Variants in H2BC4 observed in about 807,000 individuals in gnomAD.
H2BC4 encodes the protein H2B clustered histone 4.
Under a neutral mutation model 6.2 loss-of-function variants are expected in H2BC4, and 10 were observed. That is an observed-to-expected ratio of 1.61 (90% CI 0.99 to 2.73). The LOEUF (loss-of-function observed/expected upper bound fraction) is 2.73, where lower values mean the gene tolerates loss of function less well. Ranked by LOEUF, H2BC4 falls within the 30% of genes most tolerant of loss-of-function variation. The pLI is 0.00. For missense variants in H2BC4, 176 were observed against 168.7 expected, an observed-to-expected ratio of 1.04 and a Z score of -0.24; for synonymous variants, 146 against 70.7, an observed-to-expected ratio of 2.07 and a Z score of -5.35.
chr6:26,113,766 T>G (rs198835), downstream of H2BC4, among the ~76,000 whole-genome samples: 72,290 of 151,914 alleles, frequency 0.48, 17,845 homozygotes, highest in Non-Finnish European at 0.54. Flanking sequence ...CTGGATTCTG[T>G]TGAGGGCTCT....
rs1581413177 is a variant in H2BC4 at position 26,123,608 on chromosome 6, C to T, written c.297G>A (p.Val99=). ...CCAGCTCTCCGGGAAGCAGCAGGCG[C>T]ACGGCCGTCTGGATCTCCCTGGAGG... ...TITSREIQTA[V]RLLLPGELAK... The change falls in exon 1 of 1, where the codon GTG becomes GTA. Residue 99 remains valine (V), a synonymous_variant. Transcript: ENST00000396984. 10 of 1,614,282 alleles carry T rather than the reference C, an allele frequency of 6.2e-6. No individual in the cohort carries two copies. Among genetic ancestry groups the T allele is most frequent in the Non-Finnish European group, 8.5e-6 (10 of 1,180,050 alleles).
downstream of H2BC4, among the ~76,000 whole-genome samples, chr6:26,114,586 T>G (rs1056313): frequency 6.6e-6 from 1 of 152,084 alleles, no homozygotes; most frequent in East Asian, 1.9e-4. Context: ...TTCCACTTCA[T>G]GAAGTCTATC....
chr6:26,120,219 T>C (rs2113796347), downstream of H2BC4, among the ~76,000 whole-genome samples: 1 of 152,282 alleles, frequency 6.6e-6, no homozygotes, highest in East Asian at 1.9e-4. Context: ...TCTCATCACT[T>C]TGGGAGGCCG....
chr6:26,123,351 T>A (rs1189496528), downstream of H2BC4: 27 of 1,165,494 alleles, frequency 2.3e-5, no homozygotes, highest in Non-Finnish European at 3.2e-5. Flanking sequence ...TCAGGACCCT[T>A]TGTCCCTCTC....
rs758883693 is a variant in H2BC4 at position 26,123,614 on chromosome 6, C to A, written c.291G>T (p.Thr97=). 88 of 1,614,142 alleles carry A rather than the reference C, an allele frequency of 5.5e-5. No homozygotes were observed. Among genetic ancestry groups the A allele is most frequent in the Non-Finnish European group, 7.5e-5 (88 of 1,180,050 alleles). ...RSTITSREIQ[T]AVRLLLPGEL... ...CTCCGGGAAGCAGCAGGCGCACGGC[C>A]GTCTGGATCTCCCTGGAGGTGATGG... Residue 97 remains threonine (T), a synonymous_variant, in exon 1 of 1, where the codon ACG becomes ACT. Coordinates refer to ENST00000396984, the MANE Select transcript of H2BC4 (RefSeq NM_003526.3).
downstream of H2BC4, among the ~76,000 whole-genome samples, chr6:26,119,249 G>A (rs1207706265): frequency 6.6e-6 from 1 of 152,092 alleles, no homozygotes; most frequent in African/African-American, 2.4e-5. Flanking sequence ...CAAATCTAAA[G>A]TGGCGAAAGC....
At chr6:26,114,451 T>C (rs914808518), downstream of H2BC4, among the ~76,000 whole-genome samples, 10 of 152,172 alleles carry the variant, frequency 6.6e-5, no homozygotes, top group Non-Finnish European at 1.3e-4. Flanking sequence ...ATTGTAAATA[T>C]GAGTGCTATA....
At chr6:26,117,535 C>T (rs1051513336) in intron 1 of H2BC4, among the ~76,000 whole-genome samples, 1 of 152,018 alleles carries the variant, frequency 6.6e-6, no homozygotes, top group Non-Finnish European at 1.5e-5. Context: ...GCTGTGCAGC[C>T]ATTTTACTAG....
At chr6:26,123,399 T>C, downstream of H2BC4, 2 of 1,480,836 alleles carry the variant, frequency 1.4e-6, no homozygotes, top group South Asian at 2.7e-5. Flanking sequence ...CTCCAGTTCC[T>C]ATATTCTAAT....
At chr6:26,113,704 A>C (rs1360853854), downstream of H2BC4, among the ~76,000 whole-genome samples, 1 of 152,112 alleles carries the variant, frequency 6.6e-6, no homozygotes, top group Non-Finnish European at 1.5e-5. Context: ...TAAACAACAA[A>C]ATTTTATCAC....
At chr6:26,116,019 G>A (rs933749863) in intron 1 of H2BC4, among the ~76,000 whole-genome samples, 1 of 152,084 alleles carries the variant, frequency 6.6e-6, no homozygotes, top group Non-Finnish European at 1.5e-5. Context: ...GGGAGAATGG[G>A]GGGAGAGGAG....
At chr6:26,118,887 AGAG>A (rs1763461441), downstream of H2BC4, among the ~76,000 whole-genome samples, 1 of 152,230 alleles carries the variant, frequency 6.6e-6, no homozygotes, top group Non-Finnish European at 1.5e-5. Flanking sequence ...TAATGTTGTC[AGAG>A]AAGATTGGTT....
chr6:26,123,306 C>T, downstream of H2BC4: 2 of 840,230 alleles, frequency 2.4e-6, no homozygotes, highest in East Asian at 5.7e-5. Flanking sequence ...CGAATTGACC[C>T]CAAAGCCATT....
downstream of H2BC4, among the ~76,000 whole-genome samples, chr6:26,113,798 A>G (rs7769006): frequency 9.6e-4 from 146 of 151,354 alleles, no homozygotes; most frequent in South Asian, 1.9e-3. Flanking sequence ...GTAGAGTGCT[A>G]CCTTCTCACT....
At chr6:26,114,106 A>T (rs958371230), downstream of H2BC4, among the ~76,000 whole-genome samples, 22 of 152,184 alleles carry the variant, frequency 1.4e-4, no homozygotes, top group Non-Finnish European at 2.9e-5. Context: ...CTCAAAGAGT[A>T]GTTATAATGT....
At chr6:26,115,980 A>G (rs1763412999) in intron 1 of H2BC4, among the ~76,000 whole-genome samples, 1 of 152,184 alleles carries the variant, frequency 6.6e-6, no homozygotes, top group Non-Finnish European at 1.5e-5. Context: ...AAAAGTGAAA[A>G]GAAAACTAAG....
chr6:26,123,148 G>T (rs1408751310), downstream of H2BC4, among the ~76,000 whole-genome samples: 1 of 152,178 alleles, frequency 6.6e-6, no homozygotes, highest in Non-Finnish European at 1.5e-5. Context: ...AGCTGGTGGC[G>T]AAATTATGAC....
At position 26,123,767 on chromosome 6, in the gene H2BC4, C is replaced by T. The variant is rs757815054; in HGVS notation, c.138G>A (p.Leu46=). The T allele has an allele frequency of 1.4e-5, 22 of 1,614,172 alleles. No homozygotes were observed. The highest frequency in any genetic ancestry group is 1.8e-5 in the Non-Finnish European group (21 of 1,180,064). The change falls in exon 1 of 1, where the codon CTG becomes CTA. Residue 46 remains leucine (L), a synonymous_variant. Coordinates refer to ENST00000396984, the MANE Select transcript of H2BC4 (RefSeq NM_003526.3). ...TGCCAGTGTCGGGATGGACCTGTTT[C>T]AGCACCTTGTACACGTACACAGAGT... The part of the protein sequence containing the change: ...ESYSVYVYKV[L]KQVHPDTGIS...
rs1763559057 is a variant in H2BC4, at chr6:26,123,819, T to C, written c.86A>G (p.Lys29Arg). The C allele has an allele frequency of 1.2e-6, 2 of 1,614,158 alleles. No individual in the cohort carries two copies. Among genetic ancestry groups the C allele is most frequent in the African/African-American group, 2.7e-5 (2 of 74,958 alleles). Residue 29 changes from lysine (K) to arginine (R), a missense_variant, in exon 1 of 1, where the codon AAG (lysine) becomes AGG (arginine). By Grantham distance (26) the Lys-to-Arg change is conservative. Coordinates refer to ENST00000396984, the MANE Select transcript of H2BC4 (RefSeq NM_003526.3). ...VTKAQKKDGKKRKRSRKESYS... is the reference protein window; with the variant it reads ...VTKAQKKDGKRRKRSRKESYS... ...ACTCTCCTTGCGGCTGCGCTTGCGCTTCTTGCCATCTTTCTTCTGCGCTTT... is the reference window on the plus strand; with the variant it reads ...ACTCTCCTTGCGGCTGCGCTTGCGCCTCTTGCCATCTTTCTTCTGCGCTTT...
Sources: gnomAD v4.1 joint callset for allele counts (sites outside exome capture counted in the v4.1 genomes callset) on GRCh38, gnomAD v4.1.1 for gene constraint, MANE v1.5 for transcripts, NCBI Gene and HGNC (gene_info 2026-07-23, HGNC 2026-07-21) for gene names.